KLC1: variants seen among roughly 807,000 people sequenced by gnomAD.
The protein encoded by KLC1 is kinesin 2 60/70kDa.
Under a neutral mutation model 84.2 loss-of-function variants are expected in KLC1, and 30 were observed. The ratio of observed to expected loss-of-function variants is 0.36; its 90% CI spans 0.27 to 0.48. KLC1 has a LOEUF of 0.48. KLC1 is among the 20% of genes least tolerant of loss of function. The probability of loss-of-function intolerance (pLI) is 0.99; values close to 1 mark genes in which losing one functional copy is unlikely to be tolerated. For missense variants in KLC1, 499 were observed against 805.4 expected, an observed-to-expected ratio of 0.62 and a Z score of 4.60; for synonymous variants, 289 against 293.3, an observed-to-expected ratio of 0.99 and a Z score of 0.15.
intron 2 of KLC1, among the ~76,000 whole-genome samples, chr14:103,657,005 A>G (rs1341161427): frequency 1.3e-5 from 2 of 151,958 alleles, no homozygotes; most frequent in Non-Finnish European, 2.9e-5. Context: ...ATTTTATGAC[A>G]TAAACATAAG....
chr14:103,659,053 C>T (rs1189144645), intron 3 of KLC1, among the ~76,000 whole-genome samples: 1 of 152,000 alleles, frequency 6.6e-6, no homozygotes, highest in Non-Finnish European at 1.5e-5. Flanking sequence ...TCTTGGCTCA[C>T]TGCAGCCTCC....
chr14:103,666,221 G>A (rs1045441783), intron 5 of KLC1, among the ~76,000 whole-genome samples: 1 of 151,934 alleles, frequency 6.6e-6, no homozygotes, highest in African/African-American at 2.4e-5. Flanking sequence ...CTGCCACCGC[G>A]CCCGGCTAAT....
chr14:103,648,322 A>C (rs2078114216), intron 1 of KLC1, among the ~76,000 whole-genome samples: 1 of 152,224 alleles, frequency 6.6e-6, no homozygotes, highest in African/African-American at 2.4e-5. Context: ...TGCTACAGAC[A>C]GGATTTTAAC....
chr14:103,664,808 C>T (rs1315273928), intron 5 of KLC1, among the ~76,000 whole-genome samples: 1 of 145,910 alleles, frequency 6.9e-6, no homozygotes, highest in African/African-American at 2.5e-5. Flanking sequence ...AACCACTGCA[C>T]TTGGCCAAGG....
intron 15 of KLC1, chr14:103,699,067 C>T (rs368501131): frequency 1.1e-4 from 179 of 1,562,510 alleles, no homozygotes; most frequent in Non-Finnish European, 1.5e-4. Context: ...GTGGCCCCGC[C>T]CACTTCGGCC....
chr14:103,631,070 G>A (rs1030077394), intron 1 of KLC1, among the ~76,000 whole-genome samples: 4 of 151,880 alleles, frequency 2.6e-5, no homozygotes, highest in South Asian at 4.2e-4. Flanking sequence ...AACTGCAGTC[G>A]TTTAAACTTA....
chr14:103,672,419 C>T (rs754281546), intron 7 of KLC1, among the ~76,000 whole-genome samples: 1 of 152,134 alleles, frequency 6.6e-6, no homozygotes, highest in Non-Finnish European at 1.5e-5. Flanking sequence ...AGAATTTATA[C>T]TCTTGGGGCT....
At chr14:103,662,395 C>T (rs536349980) in intron 4 of KLC1, among the ~76,000 whole-genome samples, 7 of 152,200 alleles carry the variant, frequency 4.6e-5, no homozygotes, top group South Asian at 2.1e-4. Context: ...TAGGATACAG[C>T]GGCATGCACG....
chr14:103,696,570 G>A (rs2082540585), intron 15 of KLC1: 1 of 985,490 alleles, frequency 1.0e-6, no homozygotes. Context: ...TGAGCTGTGT[G>A]TACGCTGTGG....
intron 2 of KLC1, 106 bp from the exon 3 acceptor site, chr14:103,657,440 A>G (rs568282208): frequency 5.2e-6 from 4 of 762,438 alleles, no homozygotes; most frequent in African/African-American, 5.2e-5. Flanking sequence ...TGGAGAAAAT[A>G]TCTGCGAGTG....
chr14:103,635,215 A>G (rs540761264), intron 1 of KLC1, among the ~76,000 whole-genome samples: 1 of 152,304 alleles, frequency 6.6e-6, no homozygotes, highest in South Asian at 2.1e-4. Flanking sequence ...CATTTAAACC[A>G]TAGATTGTTC....
chr14:103,669,437 AAAAAGAAAAG>A (rs57555596), intron 5 of KLC1, 64 bp from the exon 6 acceptor site: 9 of 857,158 alleles, frequency 1.0e-5, no homozygotes, highest in Middle Eastern at 2.4e-4. Flanking sequence ...CTGTCTAAAA[AAAAAGAAAAG>A]AAAAGAAAAG....
intron 2 of KLC1, 75 bp from the exon 3 acceptor site, chr14:103,657,471 A>G (rs1161827811): frequency 8.6e-7 from 1 of 1,164,802 alleles, no homozygotes; most frequent in East Asian, 2.4e-5. Context: ...CCCCAGCCAC[A>G]GAATGTTCGC....
At chr14:103,630,097 C>T (rs1341893438) in intron 1 of KLC1, among the ~76,000 whole-genome samples, 1 of 152,224 alleles carries the variant, frequency 6.6e-6, no homozygotes, top group Admixed American at 6.5e-5. Context: ...CCTTGGCGAC[C>T]CCTTATTTTC....
chr14:103,649,796 C>A (rs1245256344), intron 1 of KLC1, among the ~76,000 whole-genome samples: 1 of 151,648 alleles, frequency 6.6e-6, no homozygotes, highest in Non-Finnish European at 1.5e-5. Context: ...CCCGGGTTCA[C>A]GCCATTCTCC....
intron 5 of KLC1, among the ~76,000 whole-genome samples, chr14:103,664,795 G>A (rs1484331552): frequency 6.7e-6 from 1 of 148,684 alleles, no homozygotes; most frequent in Admixed American, 6.7e-5. Context: ...GATTACAGGC[G>A]TGAACCACTG....
rs891562457 is a variant in KLC1, at chr14:103,696,178, G to A, written c.1848+3753G>A. 4 of 983,894 alleles carry A rather than the reference G, an allele frequency of 4.1e-6. No homozygotes were observed. In the African/African-American group the frequency reaches 7.1e-5, roughly 17 times the overall value. 60.9% of individuals were successfully genotyped at this position (983,894 alleles called of 1,614,324 possible). A position where few individuals can be genotyped will look rare whatever the true frequency, so the allele number is the denominator to read the frequency against. Reference sequence around the variant, plus strand: ...TGGCATGGGAGCGTCTGGATCTGTGGGCGGACAGCATATCTCTGGGTAGTT... The same window carrying A: ...TGGCATGGGAGCGTCTGGATCTGTGAGCGGACAGCATATCTCTGGGTAGTT... On this transcript the variant is annotated intron_variant, in intron 15 of 16. Coordinates refer to ENST00000334553, the MANE Select transcript of KLC1 (RefSeq NM_001394837.1).
chr14:103,686,015 C>G (rs8702), intron 13 of KLC1: 719,627 of 1,072,006 alleles, frequency 0.67, 244,784 homozygotes, highest in Non-Finnish European at 0.7. Flanking sequence ...CTAAGCCTTA[C>G]AGCAAGGCAT....
chr14:103,635,920 G>A (rs887895856), intron 1 of KLC1, among the ~76,000 whole-genome samples: 9 of 152,138 alleles, frequency 5.9e-5, no homozygotes, highest in African/African-American at 2.2e-4. Flanking sequence ...TCACCTTGCA[G>A]TACTTAAAGC....
Sources: gnomAD v4.1 joint callset for allele counts (sites outside exome capture counted in the v4.1 genomes callset) on GRCh38, gnomAD v4.1.1 for gene constraint, MANE v1.5 for transcripts, NCBI Gene and HGNC (gene_info 2026-07-23, HGNC 2026-07-21) for gene names.